Variants in BPI observed in about 807,000 individuals in gnomAD.
BPI encodes the protein bactericidal permeability-increasing protein.
BPI carries 48 observed loss-of-function variants against 57.6 expected under a neutral mutation model. The observed-to-expected ratio is 0.83, with a 90% CI of 0.66 to 1.06. The LOEUF (loss-of-function observed/expected upper bound fraction) is 1.06, where lower values mean the gene tolerates loss of function less well. BPI is among the 50% of genes least tolerant of loss of function. BPI has a pLI of 0.00. For synonymous variants in BPI, 237 were observed against 238.2 expected, an observed-to-expected ratio of 0.99 and a Z score of 0.05; for missense variants, 651 against 609.7, an observed-to-expected ratio of 1.07 and a Z score of -0.71.
At chr20:38,334,347 C>T (rs2076756605) in intron 12 of BPI, 83 bp from the exon 13 acceptor site, 34 of 1,323,106 alleles carry the variant, frequency 2.6e-5, no homozygotes, top group Non-Finnish European at 3.7e-5. Context: ...AGGAGGGTGA[C>T]AGAGGTGGGG....
chr20:38,317,907 A>T (rs1468008854), intron 5 of BPI: 2 of 985,220 alleles, frequency 2.0e-6, no homozygotes, highest in Non-Finnish European at 2.4e-6. Flanking sequence ...TGGAGTGGCA[A>T]AGGCAGGTAG....
intron 14 of BPI, among the ~76,000 whole-genome samples, chr20:38,336,492 C>T (rs556514573): frequency 1.3e-5 from 2 of 151,944 alleles, no homozygotes; most frequent in South Asian, 2.1e-4. Flanking sequence ...ACCTCCGCAG[C>T]GAAACCGTCA....
chr20:38,320,222 G>A lies in BPI; in HGVS notation c.704G>A (p.Gly235Asp), dbSNP rs761703238. Reference protein sequence around the residue: ...KIDSVAGINYGLVAPPATTAE... With the variant: ...KIDSVAGINYDLVAPPATTAE... ...GATTCTGTGGCTGGAATCAACTATG[G>A]TCTGGTGGCACCTCCAGCAACCACG... Residue 235 changes from glycine (G) to aspartate (D), a missense_variant, in exon 7 of 15, where the codon GGT (glycine) becomes GAT (aspartate). Coordinates refer to ENST00000642449, the MANE Select transcript of BPI (RefSeq NM_001725.3). 6.2e-7 allele frequency: 1 copy of A among 1,614,020 alleles called. No individual in the cohort carries two copies. The highest frequency in any genetic ancestry group is 8.5e-7 in the Non-Finnish European group (1 of 1,180,000).
intron 1 of BPI, among the ~76,000 whole-genome samples, chr20:38,306,661 G>C (rs1023285228): frequency 2.0e-5 from 3 of 152,196 alleles, no homozygotes; most frequent in Admixed American, 2.0e-4. Context: ...AGCAAGAATA[G>C]CATGTGCAAA....
intron 10 of BPI, among the ~76,000 whole-genome samples, chr20:38,327,063 G>A (rs749411553): frequency 2.0e-5 from 3 of 152,000 alleles, no homozygotes; most frequent in Admixed American, 1.3e-4. Context: ...CCATCACTCC[G>A]CAAAGATTTG....
chr20:38,314,211 A>G (rs2076637994), intron 5 of BPI, among the ~76,000 whole-genome samples: 2 of 111,040 alleles, frequency 1.8e-5, no homozygotes, highest in African/African-American at 6.6e-5. Context: ...GGTGGGGATG[A>G]TGATGGTGGT....
rs1260898741 is a variant in BPI, at chr20:38,306,127, G to A, written c.131-1440G>A. On this transcript the variant is annotated intron_variant, in intron 1 of 14. Coordinates refer to ENST00000642449, the MANE Select transcript of BPI (RefSeq NM_001725.3). ...GCTCACTGCAACCTCTGCCTCCGGG[G>A]TTCAAGTGATTCTCCTGCCTCAACC... 2.0e-5 allele frequency among the ~76,000 whole-genome samples: 3 copies of A among 152,274 alleles called. No homozygotes were observed. In the East Asian group the frequency reaches 5.8e-4, roughly 29 times the overall value.
rs997824855 is a variant in BPI, at chr20:38,326,200, T to A, written c.994-65T>A. The A allele has an allele frequency of 1.7e-5, 26 of 1,509,658 alleles. No individual in the cohort carries two copies. In the African/African-American group the frequency reaches 3.3e-4, roughly 19 times the overall value. The allele number at this position is 1,509,658 out of a possible 1,614,324, so 93.5% of individuals were successfully genotyped here. On this transcript the variant is annotated intron_variant, in intron 9 of 14. Transcript: ENST00000642449. ...GTATTTAAGTAGGGGCAGGCCAAGG[T>A]AGGATTCAGAAACATTTTAACAGAA...
chr20:38,312,516 T>C (rs191785992), intron 5 of BPI, among the ~76,000 whole-genome samples: 258 of 152,320 alleles, frequency 1.7e-3, no homozygotes, highest in African/African-American at 4.5e-3. Flanking sequence ...ATTAACAAAT[T>C]ATCAGTTTTT....
Position 38,327,620 on chromosome 20 carries a change from G to A in BPI, c.1194G>A (p.Glu398=). Residue 398 remains glutamate, a synonymous_variant, in exon 11 of 15, where the codon GAG becomes GAA. Coordinates refer to ENST00000642449, the MANE Select transcript of BPI (RefSeq NM_001725.3). ...CTGGTTCCATGGAGGTCAGCGCCGA[G>A]TCCAACAGGCTTGTTGGAGAGCTCA... ...HTTGSMEVSA[E]SNRLVGELKL... 2 of 1,613,752 alleles carry A rather than the reference G, an allele frequency of 1.2e-6. No individual in the cohort carries two copies. The highest frequency in any genetic ancestry group is 8.5e-7 in the Non-Finnish European group (1 of 1,179,804).
At chr20:38,322,283 C>T (rs6024858) in intron 7 of BPI, among the ~76,000 whole-genome samples, 6,763 of 152,130 alleles carry the variant, frequency 0.044, 495 homozygotes, top group African/African-American at 0.15. Flanking sequence ...AATTGCTAGA[C>T]CAAATGGCAT....
At chr20:38,335,450 C>T in intron 13 of BPI, 148 bp from the exon 14 acceptor site, 2 of 704,680 alleles carry the variant, frequency 2.8e-6, no homozygotes, top group South Asian at 1.7e-5. Flanking sequence ...GGCAGCCTTC[C>T]TTTCAGGCAT....
At chr20:38,332,697 G>A (rs1449089312) in intron 12 of BPI, among the ~76,000 whole-genome samples, 1 of 152,148 alleles carries the variant, frequency 6.6e-6, no homozygotes, top group Non-Finnish European at 1.5e-5. Flanking sequence ...GAAAGGGCTG[G>A]TAGGAGAGGG....
chr20:38,331,174 T>C (rs5743538), intron 12 of BPI, 84 bp downstream of exon 12: 1 of 1,468,412 alleles, frequency 6.8e-7, no homozygotes, highest in Non-Finnish European at 9.5e-7. Flanking sequence ...AAGGCATTAT[T>C]TAAGAGGCTA....
intron 1 of BPI, among the ~76,000 whole-genome samples, chr20:38,305,875 C>T (rs746862848): frequency 1.3e-5 from 2 of 152,226 alleles, no homozygotes; most frequent in Non-Finnish European, 2.9e-5. Flanking sequence ...TCCTAACTGG[C>T]TCCGAGAAAA....
At position 38,327,667 on chromosome 20, in the gene BPI, T is replaced by G. The variant is rs778745918; in HGVS notation, c.1229+12T>G. The stretch of plus-strand genomic sequence containing the variant: ...CTCAAGCTGGATAGGTAAGTGGGCC[T>G]GTGAGAGGAGGAGGGGGCTGCCCCT... On this transcript the variant is annotated intron_variant, in intron 11 of 14. Transcript: ENST00000642449. 1.2e-6 allele frequency: 2 copies of G among 1,612,926 alleles called. No individual in the cohort carries two copies. The highest frequency in any genetic ancestry group is 1.7e-6 in the Non-Finnish European group (2 of 1,179,322).
chr20:38,326,243 T>C (rs1568817091), intron 9 of BPI, 22 bp from the exon 10 acceptor site: 2 of 1,592,494 alleles, frequency 1.3e-6, no homozygotes, highest in African/African-American at 1.4e-5. Context: ...CTTTCGTTGA[T>C]TGTCTCCACT....
At chr20:38,312,370 A>G (rs1248844359) in intron 5 of BPI, among the ~76,000 whole-genome samples, 3 of 152,128 alleles carry the variant, frequency 2.0e-5, no homozygotes, top group Non-Finnish European at 4.4e-5. Context: ...AACCCCAGCC[A>G]TAGCCCATTC....
chr20:38,308,417 A>G (rs1029959556), intron 2 of BPI, among the ~76,000 whole-genome samples: 5 of 152,232 alleles, frequency 3.3e-5, no homozygotes, highest in African/African-American at 9.6e-5. Flanking sequence ...GGGGCTGTGC[A>G]CTGGGCAGAA....
Sources: gnomAD v4.1 joint callset for allele counts (sites outside exome capture counted in the v4.1 genomes callset) on GRCh38, gnomAD v4.1.1 for gene constraint, MANE v1.5 for transcripts, NCBI Gene and HGNC (gene_info 2026-07-23, HGNC 2026-07-21) for gene names.